The following FAM227B variants were observed in gnomAD, a reference collection of about 807,000 sequenced individuals.
FAM227B encodes protein FAM227B.
A neutral mutation model predicts 73.8 loss-of-function variants in FAM227B; 88 were observed. The observed-to-expected ratio is 1.19, with a 90% CI of 1.00 to 1.42. The LOEUF is 1.42. Ranked by LOEUF, FAM227B falls within the 40% of genes most tolerant of loss-of-function variation. The pLI, the probability that FAM227B is intolerant of heterozygous loss-of-function variation, is 0.00. For missense variants in FAM227B, 632 were observed against 590.9 expected, an observed-to-expected ratio of 1.07 and a Z score of -0.72; for synonymous variants, 210 against 190.5, an observed-to-expected ratio of 1.10 and a Z score of -0.84.
At chr15:49,523,835 T>C (rs2413961) in intron 10 of FAM227B, among the ~76,000 whole-genome samples, 40,357 of 152,030 alleles carry the variant, frequency 0.27, 5,616 homozygotes, top group East Asian at 0.38. Context: ...CAAAGGTGAC[T>C]CTTGTTATAT....
At chr15:49,454,909 A>C (rs1392779476) in intron 11 of FAM227B, among the ~76,000 whole-genome samples, 1 of 152,070 alleles carries the variant, frequency 6.6e-6, no homozygotes. Flanking sequence ...GGACCCAGCC[A>C]TAATATATTC....
At chr15:49,361,117 T>C (rs897566058) in intron 13 of FAM227B, among the ~76,000 whole-genome samples, 1 of 152,200 alleles carries the variant, frequency 6.6e-6, no homozygotes, top group African/African-American at 2.4e-5. Flanking sequence ...GTTAGCTTGA[T>C]TCAGTCATTC....
chr15:49,357,320 A>C lies in FAM227B; in HGVS notation c.1271+10128T>G, dbSNP rs1478701012. ...AGCTGGTTTTTTGAAAGGATCAACA[A>C]AATTGATAGACCGCTAGCAAGACTA... On this transcript the variant is annotated intron_variant, in intron 13 of 15. Transcript: ENST00000299338. Among the ~76,000 whole-genome samples, 882 of 148,280 alleles carry C rather than the reference A, an allele frequency of 5.9e-3. 6 individuals carry two copies. The highest frequency in any genetic ancestry group is 0.02 in the African/African-American group (791 of 40,492).
At chr15:49,566,738 T>C (rs2074691564) in intron 9 of FAM227B, among the ~76,000 whole-genome samples, 2 of 152,178 alleles carry the variant, frequency 1.3e-5, no homozygotes, top group South Asian at 4.1e-4. Flanking sequence ...AAGGAAGACT[T>C]AGTGCAAGTC....
At chr15:49,562,923 C>T (rs1158953615) in intron 9 of FAM227B, among the ~76,000 whole-genome samples, 1 of 152,136 alleles carries the variant, frequency 6.6e-6, no homozygotes, top group East Asian at 1.9e-4. Flanking sequence ...GGAGCATTCC[C>T]CATAAGAACC....
intron 9 of FAM227B, among the ~76,000 whole-genome samples, chr15:49,559,017 A>G (rs572768318): frequency 6.6e-6 from 1 of 152,244 alleles, no homozygotes; most frequent in South Asian, 2.1e-4. Context: ...AGGTTCAGAG[A>G]TTAAATTATG....
chr15:49,459,006 TCTATTA>T (rs1190835516), intron 11 of FAM227B, among the ~76,000 whole-genome samples: 2 of 152,182 alleles, frequency 1.3e-5, no homozygotes, highest in East Asian at 3.8e-4. Flanking sequence ...GTCCTTCATT[TCTATTA>T]AAAAACACAC....
intron 13 of FAM227B, among the ~76,000 whole-genome samples, chr15:49,340,051 G>A (rs2040435982): frequency 6.6e-6 from 1 of 152,134 alleles, no homozygotes; most frequent in Non-Finnish European, 1.5e-5. Flanking sequence ...AACTTGCTGG[G>A]CTCAGTGGGG....
intron 11 of FAM227B, among the ~76,000 whole-genome samples, chr15:49,500,240 A>G (rs1433851827): frequency 2.0e-5 from 3 of 152,252 alleles, no homozygotes; most frequent in African/African-American, 4.8e-5. Flanking sequence ...AGCATAAAAT[A>G]TATAAAGACC....
intron 10 of FAM227B, among the ~76,000 whole-genome samples, chr15:49,530,037 T>C (rs1400803371): frequency 6.6e-6 from 1 of 151,830 alleles, no homozygotes; most frequent in Non-Finnish European, 1.5e-5. Context: ...GTGGCTATCT[T>C]TGAAACCCTT....
chr15:49,427,846 GA>G (rs1465196183), intron 11 of FAM227B, among the ~76,000 whole-genome samples: 1 of 151,964 alleles, frequency 6.6e-6, no homozygotes, highest in Non-Finnish European at 1.5e-5. Flanking sequence ...AGGGCATGGA[GA>G]AAGAAAAGGG....
intron 11 of FAM227B, chr15:49,434,284 G>C (rs1049245817): frequency 1.3e-5 from 2 of 151,022 alleles, no homozygotes; most frequent in African/African-American, 4.8e-5. Context: ...AAAGGTTAAT[G>C]ACTTTTTTTT....
intron 10 of FAM227B, among the ~76,000 whole-genome samples, chr15:49,525,270 T>A (rs2060079599): frequency 6.6e-6 from 1 of 151,846 alleles, no homozygotes; most frequent in African/African-American, 2.4e-5. Flanking sequence ...ATAAGTCTCA[T>A]GAGATCTGAT....
chr15:49,588,537 A>G (rs2152404065), intron 4 of FAM227B, among the ~76,000 whole-genome samples: 1 of 124,258 alleles, frequency 8.0e-6, no homozygotes, highest in South Asian at 2.5e-4. Context: ...TGATATCTAC[A>G]TATTGAGGAC....
At chr15:49,517,516 T>C (rs1423032460) in intron 10 of FAM227B, among the ~76,000 whole-genome samples, 1 of 152,106 alleles carries the variant, frequency 6.6e-6, no homozygotes, top group Admixed American at 6.5e-5. Flanking sequence ...AGAAAATCAT[T>C]CATGAGAATT....
At chr15:49,509,848 C>T (rs1048538358) in intron 10 of FAM227B, among the ~76,000 whole-genome samples, 6 of 152,012 alleles carry the variant, frequency 3.9e-5, no homozygotes, top group African/African-American at 1.4e-4. Flanking sequence ...AATAAAGGAG[C>T]TAAAAACCTA....
At chr15:49,583,010 C>T (rs903611196) in intron 5 of FAM227B, among the ~76,000 whole-genome samples, 8 of 151,956 alleles carry the variant, frequency 5.3e-5, no homozygotes, top group African/African-American at 1.9e-4. Flanking sequence ...CACTAAATGC[C>T]GACATCAAAA....
intron 3 of FAM227B, 106 bp from the exon 4 acceptor site, chr15:49,590,113 T>C: frequency 1.6e-6 from 1 of 641,640 alleles, no homozygotes; most frequent in Non-Finnish European, 2.7e-6. Context: ...TTCCACAGCA[T>C]TGTTTTTTAT....
intron 11 of FAM227B, among the ~76,000 whole-genome samples, chr15:49,415,951 A>G (rs1045904001): frequency 1.3e-5 from 2 of 152,174 alleles, no homozygotes; most frequent in African/African-American, 4.8e-5. Flanking sequence ...GTTTGGGTTG[A>G]CGTGTCCATA....
Sources: gnomAD v4.1 joint callset for allele counts (sites outside exome capture counted in the v4.1 genomes callset) on GRCh38, gnomAD v4.1.1 for gene constraint, MANE v1.5 for transcripts, NCBI Gene and HGNC (gene_info 2026-07-23, HGNC 2026-07-21) for gene names.